Variants in KCNIP4 observed in about 807,000 individuals in gnomAD.
KCNIP4 encodes Kv channel-interacting protein 4.
Under a neutral mutation model 34.0 loss-of-function variants are expected in KCNIP4, and 12 were observed. The observed-to-expected ratio is 0.35, with a 90% CI of 0.23 to 0.57. KCNIP4 has a LOEUF of 0.57. Ranked by LOEUF, KCNIP4 falls within the 20% of genes least tolerant of loss-of-function variation. The pLI is 0.83. For synonymous variants in KCNIP4, 124 were observed against 102.2 expected (o/e 1.21, Z -1.29); for missense variants, 238 against 311.7 (o/e 0.76, Z 1.78).
At chr4:21,511,006 T>G (rs1012911311) in intron 1 of KCNIP4, among the ~76,000 whole-genome samples, 1 of 152,086 alleles carries the variant, frequency 6.6e-6, no homozygotes, top group African/African-American at 2.4e-5. Context: ...ATTGTTCCAC[T>G]GCACTCCAGC....
intron 1 of KCNIP4, among the ~76,000 whole-genome samples, chr4:21,295,446 T>G (rs2109223175): frequency 6.6e-6 from 1 of 152,256 alleles, no homozygotes; most frequent in South Asian, 2.1e-4. Context: ...CAGTAAGTTC[T>G]AAAGTCCTTA....
At chr4:21,200,397 C>T (rs1473544354) in intron 1 of KCNIP4, among the ~76,000 whole-genome samples, 2 of 56,822 alleles carry the variant, frequency 3.5e-5, no homozygotes, top group African/African-American at 1.4e-4. Context: ...TATATATATA[C>T]ATACATATAT....
chr4:20,940,502 T>C (rs2149617895), intron 1 of KCNIP4, among the ~76,000 whole-genome samples: 1 of 152,302 alleles, frequency 6.6e-6, no homozygotes, highest in Non-Finnish European at 1.5e-5. Flanking sequence ...ATAAACTGTG[T>C]TTTTCATGTT....
intron 1 of KCNIP4, among the ~76,000 whole-genome samples, chr4:21,806,795 TA>T (rs1349966909): frequency 2.0e-5 from 3 of 152,172 alleles, no homozygotes; most frequent in Admixed American, 2.0e-4. Flanking sequence ...CTATAGACAT[TA>T]AAAGAGCAGT....
intron 1 of KCNIP4, among the ~76,000 whole-genome samples, chr4:21,743,761 A>G (rs926133396): frequency 1.3e-5 from 2 of 150,724 alleles, no homozygotes; most frequent in Non-Finnish European, 2.9e-5. Flanking sequence ...GTAACTCACC[A>G]CCAAGATAAC....
chr4:20,879,703 G>C (rs760376739), intron 2 of KCNIP4, among the ~76,000 whole-genome samples: 1 of 152,048 alleles, frequency 6.6e-6, no homozygotes, highest in Non-Finnish European at 1.5e-5. Flanking sequence ...ATATAATTTC[G>C]AAGTATTAAG....
At chr4:20,755,104 T>C (rs1379700707) in intron 4 of KCNIP4, among the ~76,000 whole-genome samples, 1 of 152,136 alleles carries the variant, frequency 6.6e-6, no homozygotes, top group Non-Finnish European at 1.5e-5. Context: ...TGTCTGTGGT[T>C]TGTTAGAAGG....
In KCNIP4 at chr4:21,279,476, C is replaced by A. The variant is rs938501859; in HGVS notation, c.62-396767G>T. Among the ~76,000 whole-genome samples the A allele has an allele frequency of 7.3e-5, 11 of 150,070 alleles. No homozygotes were observed. In the East Asian group the frequency reaches 1.9e-3, roughly 27 times the overall value. ...TGGCCTATTGTTTCACCATACAGAA[C>A]TTTAAAGATTATATATATATATATA... is the stretch of plus-strand genomic sequence containing the variant. On this transcript the variant is annotated intron_variant, in intron 1 of 8. Coordinates refer to ENST00000382152, the MANE Select transcript of KCNIP4 (RefSeq NM_025221.6).
At chr4:21,486,160 A>C (rs1731894556) in intron 1 of KCNIP4, among the ~76,000 whole-genome samples, 1 of 152,124 alleles carries the variant, frequency 6.6e-6, no homozygotes, top group Non-Finnish European at 1.5e-5. Context: ...ATGTGTTCTG[A>C]TACTTTTTGA....
At chr4:21,789,692 A>T (rs7659196) in intron 1 of KCNIP4, among the ~76,000 whole-genome samples, 16,049 of 152,240 alleles carry the variant, frequency 0.11, 2,889 homozygotes, top group African/African-American at 0.37. Flanking sequence ...TTCCTAAAAC[A>T]GCATAAACAA....
intron 1 of KCNIP4, among the ~76,000 whole-genome samples, chr4:21,884,687 C>T (rs1726658341): frequency 6.6e-6 from 1 of 152,040 alleles, no homozygotes; most frequent in Non-Finnish European, 1.5e-5. Flanking sequence ...AAGGCTTAGA[C>T]AATGTGTCTT....
At chr4:21,905,335 A>G (rs1362015212) in intron 1 of KCNIP4, among the ~76,000 whole-genome samples, 1 of 152,122 alleles carries the variant, frequency 6.6e-6, no homozygotes, top group African/African-American at 2.4e-5. Context: ...TCAACTCTGC[A>G]TTGAGTTATG....
At chr4:21,072,870 C>T (rs1281129310) in intron 1 of KCNIP4, among the ~76,000 whole-genome samples, 1 of 152,158 alleles carries the variant, frequency 6.6e-6, no homozygotes, top group Non-Finnish European at 1.5e-5. Context: ...ATATGGCTAG[C>T]CAGTTTTCCC....
At chr4:20,734,866 G>T in intron 5 of KCNIP4, 131 bp from the exon 6 acceptor site, 2 of 487,208 alleles carry the variant, frequency 4.1e-6, no homozygotes, top group South Asian at 3.1e-5. Context: ...ATGTGTTATT[G>T]GTTGTCTAGT....
intron 1 of KCNIP4, among the ~76,000 whole-genome samples, chr4:21,295,553 G>T (rs1763789913): frequency 6.6e-6 from 1 of 152,092 alleles, no homozygotes; most frequent in Admixed American, 6.5e-5. Context: ...GCCTGCCTGT[G>T]CTCCTTGGAT....
intron 1 of KCNIP4, among the ~76,000 whole-genome samples, chr4:21,606,129 G>A (rs1346193266): frequency 6.6e-6 from 1 of 152,124 alleles, no homozygotes; most frequent in African/African-American, 2.4e-5. Context: ...TATTTGGAGG[G>A]GAGCTTGGGG....
At chr4:20,884,762 C>A (rs1056921322) in intron 1 of KCNIP4, among the ~76,000 whole-genome samples, 4 of 147,888 alleles carry the variant, frequency 2.7e-5, no homozygotes, top group Admixed American at 6.9e-5. Context: ...GGCTGGAGTG[C>A]AGTGGCGCGA....
chr4:21,936,736 T>C lies in KCNIP4; in HGVS notation c.61+11835A>G, dbSNP rs183160606. Among the ~76,000 whole-genome samples, 95 of 152,214 alleles carry C rather than the reference T, an allele frequency of 6.2e-4. No homozygotes were observed. The Middle Eastern group carries it at 0.014, about 22-fold the overall frequency. ...CCAAAGTCTTATCCTTAGCCACCAA[T>C]CCTCACCTTCCATTAATGTTCTGCA... On this transcript the variant is annotated intron_variant, in intron 1 of 8. Coordinates refer to ENST00000382152, the MANE Select transcript of KCNIP4 (RefSeq NM_025221.6).
At chr4:21,141,349 G>A (rs1751937509) in intron 1 of KCNIP4, among the ~76,000 whole-genome samples, 1 of 152,112 alleles carries the variant, frequency 6.6e-6, no homozygotes, top group South Asian at 2.1e-4. Context: ...GACTGTGAGT[G>A]CCCTAAGAAC....
Sources: allele counts gnomAD v4.1 joint callset (sites outside exome capture counted in the v4.1 genomes callset), GRCh38; gene constraint gnomAD v4.1.1; transcripts MANE v1.5; gene names NCBI Gene and HGNC (gene_info 2026-07-23, HGNC 2026-07-21).